ERG: variants seen among roughly 807,000 people sequenced by gnomAD.
The protein encoded by ERG is ETS transcription factor ERG.
Under a neutral mutation model 55.3 loss-of-function variants are expected in ERG, and 9 were observed. The observed-to-expected ratio is 0.16, with a 90% CI of 0.10 to 0.28. The LOEUF is 0.28. Ranked by LOEUF, ERG falls within the 10% of genes least tolerant of loss-of-function variation. The pLI, the probability that ERG is intolerant of heterozygous loss-of-function variation, is 1.00. For missense variants in ERG, 434 were observed against 631.6 expected (o/e 0.69, Z 3.35); for synonymous variants, 223 against 237.3 (o/e 0.94, Z 0.55).
intron 1 of ERG, among the ~76,000 whole-genome samples, chr21:38,576,849 G>A (rs2059997680): frequency 6.6e-6 from 1 of 152,040 alleles, no homozygotes; most frequent in Non-Finnish European, 1.5e-5. Flanking sequence ...GGTTCTGACT[G>A]CAGCTGGATT....
chr21:38,387,952 T>G (rs1987778569), intron 9 of ERG, among the ~76,000 whole-genome samples: 1 of 152,230 alleles, frequency 6.6e-6, no homozygotes, highest in Non-Finnish European at 1.5e-5. Flanking sequence ...GCTGCCATGC[T>G]TAATCACTGC....
intron 1 of ERG, among the ~76,000 whole-genome samples, chr21:38,604,426 C>G (rs757704105): frequency 6.6e-6 from 1 of 151,730 alleles, no homozygotes; most frequent in South Asian, 2.1e-4. Context: ...AAATAATACA[C>G]AAATGTAAAA....
intron 2 of ERG, among the ~76,000 whole-genome samples, chr21:38,553,448 AG>A (rs1160498768): frequency 6.6e-6 from 1 of 152,244 alleles, no homozygotes; most frequent in Non-Finnish European, 1.5e-5. Context: ...ATAAGGCCAC[AG>A]TAACCAAGAC....
chr21:38,382,545 C>T lies in ERG; in HGVS notation c.*858G>A, dbSNP rs1184294834. On this transcript the variant is annotated 3_prime_UTR_variant, in exon 10 of 10. Transcript: ENST00000288319. ...CATTACGCTGTGTCCTTTCTCCTAA[C>T]ACTGGGTTTGGTATAACACTGACTG... is the stretch of plus-strand genomic sequence containing the variant. The T allele has an allele frequency of 9.4e-7, 1 of 1,065,732 alleles. No homozygotes were observed. The highest frequency in any genetic ancestry group is 1.1e-6 in the Non-Finnish European group (1 of 879,334). 66.0% of individuals were successfully genotyped at this position (1,065,732 alleles called of 1,614,324 possible). A position where few individuals can be genotyped will look rare whatever the true frequency, so the allele number is the denominator to read the frequency against.
intron 2 of ERG, among the ~76,000 whole-genome samples, chr21:38,503,974 C>G (rs2059441097): frequency 6.6e-6 from 1 of 152,064 alleles, no homozygotes. Context: ...AGCTTCACTC[C>G]ATTGGATACA....
intron 2 of ERG, among the ~76,000 whole-genome samples, chr21:38,444,808 A>C (rs2058874718): frequency 6.6e-6 from 1 of 152,030 alleles, no homozygotes; most frequent in Admixed American, 6.5e-5. Flanking sequence ...GAGGGCAGAC[A>C]ATGGAGATCC....
intron 1 of ERG, chr21:38,470,888 T>G (rs2059133109): frequency 6.6e-6 from 1 of 152,222 alleles, no homozygotes; most frequent in South Asian, 2.1e-4. Flanking sequence ...GAAGACATCT[T>G]GTAAACTGTT....
upstream of ERG, among the ~76,000 whole-genome samples, chr21:38,588,990 CA>C (rs1348630373): frequency 2.6e-5 from 4 of 152,148 alleles, no homozygotes; most frequent in African/African-American, 9.7e-5. Context: ...CTCAGCCTCC[CA>C]AAGTGCTTGG....
chr21:38,450,187 C>T (rs756943652), intron 1 of ERG, among the ~76,000 whole-genome samples: 31 of 144,292 alleles, frequency 2.1e-4, no homozygotes, highest in African/African-American at 7.0e-4. Flanking sequence ...TTCAGGAGAT[C>T]GAGACCATAC....
chr21:38,618,165 T>C (rs751517452), intron 1 of ERG, among the ~76,000 whole-genome samples: 6 of 152,166 alleles, frequency 3.9e-5, no homozygotes, highest in South Asian at 4.1e-4. Context: ...CAGAATAATC[T>C]GGAAGAATGC....
At chr21:38,587,360 CTTTT>C (rs11312805), upstream of ERG, among the ~76,000 whole-genome samples, 4 of 132,352 alleles carry the variant, frequency 3.0e-5, no homozygotes, top group Admixed American at 7.4e-5. Flanking sequence ...CTGTGCAAAT[CTTTT>C]TTTTTTTTTT....
intron 2 of ERG, among the ~76,000 whole-genome samples, chr21:38,510,948 T>C (rs561059238): frequency 6.6e-6 from 1 of 152,334 alleles, no homozygotes; most frequent in East Asian, 1.9e-4. Flanking sequence ...GGAAGATTTC[T>C]GATCTTTAAC....
intron 1 of ERG, among the ~76,000 whole-genome samples, chr21:38,497,469 G>A (rs2059389242): frequency 6.6e-6 from 1 of 152,182 alleles, no homozygotes; most frequent in African/African-American, 2.4e-5. Flanking sequence ...CGAAGGCATG[G>A]TGGCCTTTAA....
At chr21:38,626,964 C>G (rs1437911539) in intron 1 of ERG, among the ~76,000 whole-genome samples, 1 of 152,034 alleles carries the variant, frequency 6.6e-6, no homozygotes, top group East Asian at 1.9e-4. Context: ...CCATAAACTA[C>G]AGTTTTGCAG....
intron 2 of ERG, among the ~76,000 whole-genome samples, chr21:38,519,567 C>A (rs2059578367): frequency 6.6e-6 from 1 of 152,184 alleles, no homozygotes; most frequent in Admixed American, 6.5e-5. Flanking sequence ...CTTAACCCAA[C>A]AGAAGATAGA....
intron 1 of ERG, among the ~76,000 whole-genome samples, chr21:38,623,675 C>A (rs979497663): frequency 6.6e-6 from 1 of 152,144 alleles, no homozygotes; most frequent in Non-Finnish European, 1.5e-5. Flanking sequence ...GTGAGTTCCT[C>A]CCTCCAGAAA....
chr21:38,606,951 A>G (rs2060200164), intron 1 of ERG, among the ~76,000 whole-genome samples: 1 of 152,144 alleles, frequency 6.6e-6, no homozygotes, highest in Non-Finnish European at 1.5e-5. Context: ...TTAAAAAAGG[A>G]GTCCTGAGCA....
chr21:38,597,720 G>C (rs1325157579), intron 1 of ERG, among the ~76,000 whole-genome samples: 3 of 152,108 alleles, frequency 2.0e-5, no homozygotes. Context: ...CAGCATCTGA[G>C]GGAATAAGTC....
intron 2 of ERG, among the ~76,000 whole-genome samples, chr21:38,562,110 G>A (rs1354075993): frequency 6.6e-6 from 1 of 152,076 alleles, no homozygotes; most frequent in Non-Finnish European, 1.5e-5. Flanking sequence ...TATTTAGAAC[G>A]AAACCAACGT....
Sources: allele counts gnomAD v4.1 joint callset (sites outside exome capture counted in the v4.1 genomes callset), GRCh38; gene constraint gnomAD v4.1.1; transcripts MANE v1.5; gene names NCBI Gene and HGNC (gene_info 2026-07-23, HGNC 2026-07-21).